Variants in UNC5A observed in about 807,000 individuals in gnomAD.
UNC5A encodes the protein unc-5 netrin receptor A, also known as netrin receptor UNC5A.
UNC5A carries 20 observed loss-of-function variants against 87.4 expected under a neutral mutation model. That is an observed-to-expected ratio of 0.23 (90% confidence interval 0.16 to 0.33). UNC5A has a LOEUF of 0.33. Ranked by LOEUF, UNC5A falls within the 10% of genes least tolerant of loss-of-function variation. The probability of loss-of-function intolerance (pLI) is 1.00; values close to 1 mark genes in which losing one functional copy is unlikely to be tolerated. For synonymous variants in UNC5A, 438 were observed against 482.3 expected, an observed-to-expected ratio of 0.91 and a Z score of 1.20; for missense variants, 844 against 1,133.4, an observed-to-expected ratio of 0.74 and a Z score of 3.67.
intron 1 of UNC5A, among the ~76,000 whole-genome samples, chr5:176,840,572 C>T (rs1185475394): frequency 6.6e-6 from 1 of 152,194 alleles, no homozygotes; most frequent in African/African-American, 2.4e-5. Context: ...ATCCATTGGT[C>T]CGGAGCAGAG....
At chr5:176,821,309 G>A (rs1218989108) in intron 1 of UNC5A, among the ~76,000 whole-genome samples, 1 of 152,206 alleles carries the variant, frequency 6.6e-6, no homozygotes, top group African/African-American at 2.4e-5. Flanking sequence ...GTCTGAGCCT[G>A]CCTACCTGGA....
At chr5:176,856,622 C>T (rs1048735513) in intron 1 of UNC5A, among the ~76,000 whole-genome samples, 1 of 152,094 alleles carries the variant, frequency 6.6e-6, no homozygotes, top group African/African-American at 2.4e-5. Flanking sequence ...CTTTGAGTGA[C>T]AAAAAGTGTG....
At chr5:176,842,015 G>A (rs1054954677) in intron 1 of UNC5A, among the ~76,000 whole-genome samples, 12 of 152,164 alleles carry the variant, frequency 7.9e-5, no homozygotes, top group African/African-American at 2.7e-4. Flanking sequence ...GGCTAACATG[G>A]TGAAACCCCG....
At position 176,844,707 on chromosome 5, in the gene UNC5A, G is replaced by C. The variant is rs541331518; in HGVS notation, c.71-17917G>C. 2.0e-3 allele frequency among the ~76,000 whole-genome samples: 302 copies of C among 152,306 alleles called. 1 individual carries two copies. Among genetic ancestry groups the C allele is most frequent in the African/African-American group, 6.3e-3 (262 of 41,566 alleles). On this transcript the variant is annotated intron_variant, in intron 1 of 14. Coordinates refer to ENST00000329542, the MANE Select transcript of UNC5A (RefSeq NM_133369.3). The surrounding 1 kb of genome is among the most constrained non-coding windows in gnomAD (Gnocchi z 4.2). ...TAAACCTCCTACATCACACCCAGGG[G>C]TCTGTGGACCACAGTTCACAGCCTC...
intron 1 of UNC5A, among the ~76,000 whole-genome samples, chr5:176,813,138 G>A (rs571688964): frequency 5.9e-5 from 9 of 152,170 alleles, no homozygotes; most frequent in Non-Finnish European, 1.0e-4. Flanking sequence ...CTGTGCCCGC[G>A]CACGCAAGCA....
chr5:176,863,001 G>A (rs1302868357), intron 2 of UNC5A, among the ~76,000 whole-genome samples, 156 bp downstream of exon 2: 1 of 152,260 alleles, frequency 6.6e-6, no homozygotes, highest in African/African-American at 2.4e-5. Context: ...GAAGGAGGGG[G>A]AGAGAGGGGG....
At chr5:176,877,038 T>A (rs1758278183) in intron 8 of UNC5A, among the ~76,000 whole-genome samples, 154 bp from the exon 9 acceptor site, 1 of 151,588 alleles carries the variant, frequency 6.6e-6, no homozygotes, top group Non-Finnish European at 1.5e-5. Flanking sequence ...CCTGTGGGGG[T>A]GGTTGGTCAG....
chr5:176,852,429 A>G (rs542443007), intron 1 of UNC5A, among the ~76,000 whole-genome samples: 2 of 152,258 alleles, frequency 1.3e-5, no homozygotes, highest in South Asian at 4.1e-4. Flanking sequence ...CAAGGATCCC[A>G]AGGCAGGAAA....
chr5:176,815,583 AG>A (rs1486075098), intron 1 of UNC5A, among the ~76,000 whole-genome samples: 1 of 152,258 alleles, frequency 6.6e-6, no homozygotes, highest in Non-Finnish European at 1.5e-5. Context: ...GAGGGCACTC[AG>A]GGTGAACCCC....
At chr5:176,870,692 C>T in intron 6 of UNC5A, 158 bp downstream of exon 6, 2 of 831,828 alleles carry the variant, frequency 2.4e-6, no homozygotes, top group Non-Finnish European at 3.6e-6. Context: ...AGCATACCTG[C>T]ACATGGGCCC....
At position 176,828,045 on chromosome 5, in the gene UNC5A, T is replaced by G. The variant is rs549250977; in HGVS notation, c.70+17225T>G. Among the ~76,000 whole-genome samples the G allele has an allele frequency of 3.3e-5, 5 of 152,188 alleles. No individual in the cohort carries two copies. The East Asian group carries it at 9.7e-4, about 29-fold the overall frequency. ...CCCTCTCGGACCCTGTGGACCCTGT[T>G]TCCCTCTGCAAGCCCCCTTTTGTCC... is the stretch of plus-strand genomic sequence containing the variant. On this transcript the variant is annotated intron_variant, in intron 1 of 14. Coordinates refer to ENST00000329542, the MANE Select transcript of UNC5A (RefSeq NM_133369.3).
chr5:176,842,768 G>A (rs1032019405), intron 1 of UNC5A, among the ~76,000 whole-genome samples: 1 of 152,190 alleles, frequency 6.6e-6, no homozygotes, highest in Admixed American at 6.5e-5. Context: ...CTGCTCGGGT[G>A]ATGGGTGCAC....
At chr5:176,850,950 T>TCCAGTGCTCCCAGGACTTC (rs1457987746) in intron 1 of UNC5A, among the ~76,000 whole-genome samples, 2 of 151,784 alleles carry the variant, frequency 1.3e-5, no homozygotes, top group Non-Finnish European at 2.9e-5. Context: ...CCCAGGACTT[T>TCCAGTGCTCCCAGGACTTC]CCAGTGCTCC....
Position 176,869,672 on chromosome 5 carries a change from C to T in UNC5A, c.722-698C>T, listed in dbSNP as rs931681946. 16 of 698,544 alleles carry T rather than the reference C, an allele frequency of 2.3e-5. No homozygotes were observed. The highest frequency in any genetic ancestry group is 3.9e-5 in the Non-Finnish European group (15 of 382,448). The allele number at this position is 698,544 out of a possible 1,614,324, so 43.3% of individuals were successfully genotyped here. A position where few individuals can be genotyped will look rare whatever the true frequency, so the allele number is the denominator to read the frequency against. ...CCGTCTGCAGCGCCAGCTGTGGGCGCGGCTGGCAGAAACGGAGCCGGAGCT... is the reference window on the plus strand; with the variant it reads ...CCGTCTGCAGCGCCAGCTGTGGGCGTGGCTGGCAGAAACGGAGCCGGAGCT... On this transcript the variant is annotated intron_variant, in intron 5 of 14. Coordinates refer to ENST00000329542, the MANE Select transcript of UNC5A (RefSeq NM_133369.3). This position sits in a 1 kb window ranked among gnomAD's most constrained non-coding sequence, Gnocchi z 9.1.
Position 176,862,656 on chromosome 5 carries a change from G to C in UNC5A, c.103G>C (p.Val35Leu). 6.2e-7 allele frequency: 1 copy of C among 1,613,580 alleles called. No homozygotes were observed. Among genetic ancestry groups the C allele is most frequent in the Non-Finnish European group, 8.5e-7 (1 of 1,179,980 alleles). ...AQQSATVANPVPGANPDLLPH... is the reference protein window; with the variant it reads ...AQQSATVANPLPGANPDLLPH... ...GCAGAGTGCCACCGTGGCCAACCCA[G>C]TGCCTGGTGCCAACCCGGACCTGCT... Residue 35 changes from valine (V) to leucine (L), a missense_variant, in exon 2 of 15, where the codon GTG becomes CTG. This residue lies in a region of UNC5A where 314 missense variants were observed against 466.5 expected (regional missense o/e 0.67). Transcript: ENST00000329542.
At chr5:176,813,737 C>G (rs934919818) in intron 1 of UNC5A, among the ~76,000 whole-genome samples, 1 of 152,260 alleles carries the variant, frequency 6.6e-6, no homozygotes, top group Non-Finnish European at 1.5e-5. Flanking sequence ...CCTCACGACC[C>G]TTCTTCCTGC....
chr5:176,876,674 C>T (rs779241989), intron 8 of UNC5A, among the ~76,000 whole-genome samples: 30 of 152,142 alleles, frequency 2.0e-4, no homozygotes, highest in Non-Finnish European at 3.7e-4. Flanking sequence ...CATGGCATGG[C>T]AGAGAGTAGA....
chr5:176,820,037 C>A (rs1486626114), intron 1 of UNC5A, among the ~76,000 whole-genome samples: 1 of 148,030 alleles, frequency 6.8e-6, no homozygotes, highest in Non-Finnish European at 1.5e-5. Context: ...CCGAGGCGGG[C>A]GGATCACGAG....
intron 1 of UNC5A, among the ~76,000 whole-genome samples, chr5:176,830,460 G>A (rs527694527): frequency 3.2e-4 from 45 of 142,468 alleles, no homozygotes; most frequent in African/African-American, 8.0e-4. Flanking sequence ...TGTGTTGTGC[G>A]TGTGTGTGTG....
Sources: gnomAD v4.1 joint callset for allele counts (sites outside exome capture counted in the v4.1 genomes callset) on GRCh38, gnomAD v4.1.1 for gene constraint, gnomAD v4.1.1 regional missense constraint, Gnocchi (gnomAD v3.1) non-coding constraint, MANE v1.5 for transcripts, NCBI Gene and HGNC (gene_info 2026-07-23, HGNC 2026-07-21) for gene names.